The following NRXN1 variants were observed in gnomAD, a reference collection of about 807,000 sequenced individuals.
The protein encoded by NRXN1 is neurexin-1.
Under a neutral mutation model 150.9 loss-of-function variants are expected in NRXN1, and 39 were observed. The observed-to-expected ratio is 0.26, with a 90% confidence interval of 0.20 to 0.34. The LOEUF is 0.34. NRXN1 is among the 10% of genes least tolerant of loss of function. The pLI is 1.00. For missense variants in NRXN1, 1,815 were observed against 1,949.9 expected, an observed-to-expected ratio of 0.93 and a Z score of 1.30; for synonymous variants, 924 against 757.0, an observed-to-expected ratio of 1.22 and a Z score of -3.62.
chr2:50,752,720 T>A (rs1300558173), intron 5 of NRXN1, among the ~76,000 whole-genome samples: 5 of 148,392 alleles, frequency 3.4e-5, no homozygotes, highest in East Asian at 4.1e-4. Flanking sequence ...AAAAAAAAAA[T>A]GTCAGGTTTT....
chr2:50,839,674 T>C (rs934647360), intron 5 of NRXN1, among the ~76,000 whole-genome samples: 3 of 152,142 alleles, frequency 2.0e-5, no homozygotes, highest in Non-Finnish European at 4.4e-5. Flanking sequence ...TCAGATACTA[T>C]GAGCTAGACA....
intron 22 of NRXN1, among the ~76,000 whole-genome samples, chr2:49,940,369 C>T (rs1374078342): frequency 6.6e-6 from 1 of 152,138 alleles, no homozygotes. Context: ...GTATTTCTAA[C>T]ATCTAATAGC....
At chr2:50,763,749 G>A (rs1702078184) in intron 5 of NRXN1, among the ~76,000 whole-genome samples, 1 of 151,860 alleles carries the variant, frequency 6.6e-6, no homozygotes. Context: ...AGTCAGTTAT[G>A]AGATCTCCCA....
At chr2:50,137,334 C>T (rs1338074311) in intron 18 of NRXN1, among the ~76,000 whole-genome samples, 1 of 152,084 alleles carries the variant, frequency 6.6e-6, no homozygotes, top group African/African-American at 2.4e-5. Flanking sequence ...CATCTGTAAA[C>T]ATGCTCGTTC....
chr2:49,935,749 A>G (rs1476803397), intron 22 of NRXN1, among the ~76,000 whole-genome samples: 1 of 152,232 alleles, frequency 6.6e-6, no homozygotes, highest in Admixed American at 6.5e-5. Flanking sequence ...TGAGGTACCA[A>G]GAGAACGCCA....
At chr2:49,939,287 A>C (rs1183867022) in intron 22 of NRXN1, among the ~76,000 whole-genome samples, 1 of 152,168 alleles carries the variant, frequency 6.6e-6, no homozygotes, top group East Asian at 1.9e-4. Flanking sequence ...TTATGAAAAA[A>C]ATGTTATCTA....
intron 22 of NRXN1, among the ~76,000 whole-genome samples, chr2:49,941,924 A>C (rs1672043630): frequency 6.6e-6 from 1 of 152,092 alleles, no homozygotes; most frequent in Non-Finnish European, 1.5e-5. Flanking sequence ...TGGGGAAGGG[A>C]AATTTGAGGG....
At chr2:50,031,272 A>G (rs1443588910) in intron 21 of NRXN1, among the ~76,000 whole-genome samples, 29 of 152,026 alleles carry the variant, frequency 1.9e-4, no homozygotes, top group Non-Finnish European at 1.0e-4. Flanking sequence ...AGATTATGTT[A>G]TTACACTGCT....
At chr2:50,222,548 T>C (rs1243516107) in intron 18 of NRXN1, among the ~76,000 whole-genome samples, 1 of 151,940 alleles carries the variant, frequency 6.6e-6, no homozygotes, top group Non-Finnish European at 1.5e-5. Flanking sequence ...AAATATGCTT[T>C]TACACATGTG....
At chr2:49,990,341 A>G in intron 21 of NRXN1, among the ~76,000 whole-genome samples, 1 of 152,210 alleles carries the variant, frequency 6.6e-6, no homozygotes, top group East Asian at 1.9e-4. Flanking sequence ...CACAGCGAGG[A>G]AAGACAAAAG....
intron 18 of NRXN1, among the ~76,000 whole-genome samples, chr2:50,109,699 T>C (rs1702126322): frequency 6.6e-6 from 1 of 152,156 alleles, no homozygotes; most frequent in Non-Finnish European, 1.5e-5. Context: ...GACTGGTGAA[T>C]ACCCTATTTT....
At chr2:50,554,102 G>C (rs1209475951) in intron 8 of NRXN1, among the ~76,000 whole-genome samples, 1 of 151,960 alleles carries the variant, frequency 6.6e-6, no homozygotes. Flanking sequence ...AGATTTCAAA[G>C]CTCCCAACAT....
chr2:49,995,544 G>A (rs914325375), intron 21 of NRXN1, among the ~76,000 whole-genome samples: 4 of 151,934 alleles, frequency 2.6e-5, no homozygotes, highest in African/African-American at 9.7e-5. Context: ...CACTTTGGGA[G>A]GCCGAGGCGG....
At chr2:50,025,546 G>A (rs931499315) in intron 21 of NRXN1, among the ~76,000 whole-genome samples, 1 of 152,172 alleles carries the variant, frequency 6.6e-6, no homozygotes, top group African/African-American at 2.4e-5. Context: ...AATTGAGGTG[G>A]CAGTGGGAAG....
intron 17 of NRXN1, among the ~76,000 whole-genome samples, chr2:50,354,227 A>G (rs768366015): frequency 6.6e-6 from 1 of 152,076 alleles, no homozygotes; most frequent in Non-Finnish European, 1.5e-5. Context: ...GTAACTATAA[A>G]TTCTCTTTAC....
At chr2:50,324,588 T>C (rs1411920140) in intron 17 of NRXN1, among the ~76,000 whole-genome samples, 2 of 152,194 alleles carry the variant, frequency 1.3e-5, no homozygotes, top group Non-Finnish European at 2.9e-5. Flanking sequence ...TGTCGCCAGG[T>C]TGAAGTGCAG....
rs115657191 is a variant in NRXN1, at chr2:50,313,542, G to A, written c.3365-76572C>T. 3.1e-3 allele frequency among the ~76,000 whole-genome samples: 467 copies of A among 152,140 alleles called. 1 individual carries two copies. The highest frequency in any genetic ancestry group is 8.9e-3 in the African/African-American group (368 of 41,498). On this transcript the variant is annotated intron_variant, in intron 17 of 22. Coordinates refer to ENST00000401669, the MANE Select transcript of NRXN1 (RefSeq NM_001330078.2). ...TGGGTGCTAGCAAGCATTAGACCCC[G>A]TAGACATGTGGTGCTGGGGAGGCTG...
At chr2:50,401,683 T>C (rs961071731) in intron 17 of NRXN1, among the ~76,000 whole-genome samples, 8 of 152,140 alleles carry the variant, frequency 5.3e-5, no homozygotes, top group African/African-American at 1.9e-4. Context: ...GGAGCAATTA[T>C]TGCATGCTGA....
intron 2 of NRXN1, among the ~76,000 whole-genome samples, chr2:50,997,917 T>C (rs1699540032): frequency 7.1e-6 from 1 of 141,500 alleles, no homozygotes; most frequent in Non-Finnish European, 1.5e-5. Flanking sequence ...GATACACTGG[T>C]AGGTATTTAT....
Sources: gnomAD v4.1 joint callset for allele counts (sites outside exome capture counted in the v4.1 genomes callset) on GRCh38, gnomAD v4.1.1 for gene constraint, MANE v1.5 for transcripts, NCBI Gene and HGNC (gene_info 2026-07-23, HGNC 2026-07-21) for gene names.